TMEM192: variants seen among roughly 807,000 people sequenced by gnomAD.
The protein encoded by TMEM192 is transmembrane protein 192.
In TMEM192, 20 loss-of-function variants were observed where a neutral mutation model predicts 26.7. The observed-to-expected ratio is 0.75, with a 90% confidence interval of 0.53 to 1.09. TMEM192 has a LOEUF of 1.09. Among genes scored for constraint, TMEM192 ranks in the 50% least tolerant of loss-of-function variants. The pLI is 0.00. For synonymous variants in TMEM192, 124 were observed against 121.0 expected (o/e 1.02, Z -0.16); for missense variants, 304 against 322.6 (o/e 0.94, Z 0.44).
In TMEM192 at chr4:165,102,958, A is replaced by G; in HGVS notation, c.166T>C (p.Phe56Leu). The G allele has an allele frequency of 1.9e-6, 3 of 1,611,052 alleles. No homozygotes were observed. In the East Asian group the frequency reaches 6.7e-5, roughly 36 times the overall value. ...PTVIIVNLLW[F>L]IHLVFVVLAF... ...TCTTGCAGCCAACTTACATGAATAA[A>G]CCACAGAAGATTCACTATGATGACT... Residue 56 changes from phenylalanine (F) to leucine (L), a missense_variant, in exon 2 of 6, where the codon TTT (phenylalanine) becomes CTT (leucine). Phe to Leu is a conservative substitution (Grantham distance 22). Coordinates refer to ENST00000306480, the MANE Select transcript of TMEM192 (RefSeq NM_001100389.2).
At chr4:165,099,376 G>A (rs1734987084) in intron 3 of TMEM192, among the ~76,000 whole-genome samples, 1 of 152,072 alleles carries the variant, frequency 6.6e-6, no homozygotes, top group African/African-American at 2.4e-5. Flanking sequence ...ATGAGCTACT[G>A]TGCCCGGCCA....
At chr4:165,100,072 A>G (rs577579693) in intron 3 of TMEM192, among the ~76,000 whole-genome samples, 126 of 152,144 alleles carry the variant, frequency 8.3e-4, no homozygotes, top group Non-Finnish European at 7.3e-4. Flanking sequence ...GTATAATTCC[A>G]CACTTCACAC....
intron 2 of TMEM192, 48 bp downstream of exon 2, chr4:165,102,902 T>G: frequency 6.5e-7 from 1 of 1,531,946 alleles, no homozygotes; most frequent in Non-Finnish European, 8.8e-7. Flanking sequence ...TTATATAATT[T>G]TTACAAACAT....
chr4:165,079,516 C>A lies in TMEM192; in HGVS notation c.*142G>T. 9 of 946,696 alleles carry A rather than the reference C, an allele frequency of 9.5e-6. No individual in the cohort carries two copies. The highest frequency in any genetic ancestry group is 1.3e-5 in the Non-Finnish European group (9 of 672,402). The allele number at this position is 946,696 out of a possible 1,614,324, so 58.6% of individuals were successfully genotyped here. ...CTATATTTTAAACAGCCACAGAAGTCAGAACCAAATTCAGGTTTCCAACAA... is the reference window on the plus strand; with the variant it reads ...CTATATTTTAAACAGCCACAGAAGTAAGAACCAAATTCAGGTTTCCAACAA... On this transcript the variant is annotated 3_prime_UTR_variant, in exon 6 of 6. Coordinates refer to ENST00000306480, the MANE Select transcript of TMEM192 (RefSeq NM_001100389.2).
intron 3 of TMEM192, among the ~76,000 whole-genome samples, chr4:165,096,461 AG>A (rs1212164991): frequency 1.3e-5 from 2 of 151,838 alleles, no homozygotes; most frequent in Non-Finnish European, 2.9e-5. Context: ...CAGATTAATC[AG>A]GTAAATATTT....
At chr4:165,080,009 C>A (rs1007319523) in intron 5 of TMEM192, among the ~76,000 whole-genome samples, 6 of 152,026 alleles carry the variant, frequency 3.9e-5, no homozygotes, top group African/African-American at 1.4e-4. Context: ...ATGCTATAAA[C>A]TTTCACACCT....
At chr4:165,088,328 T>C in intron 4 of TMEM192, 140 bp downstream of exon 4, 1 of 677,636 alleles carries the variant, frequency 1.5e-6, no homozygotes, top group Non-Finnish European at 2.3e-6. Flanking sequence ...TTCCTGTTGG[T>C]TTGAAATTAA....
Position 165,076,608 on chromosome 4 carries a change from G to T in TMEM192, c.*3050C>A, listed in dbSNP as rs1214211350. Reference sequence around the variant, plus strand: ...TGCCCCCAGGGTACCCCCTGACGTGGAGCTCCTACAGCATGTTGGGCCTAC... The same window carrying T: ...TGCCCCCAGGGTACCCCCTGACGTGTAGCTCCTACAGCATGTTGGGCCTAC... On this transcript the variant is annotated 3_prime_UTR_variant, in exon 6 of 6. Transcript: ENST00000306480. 1 of 152,142 alleles carries T rather than the reference G, an allele frequency of 6.6e-6. No individual in the cohort carries two copies. The highest frequency in any genetic ancestry group is 1.5e-5 in the Non-Finnish European group (1 of 68,056). The allele number at this position is 152,142 out of a possible 1,614,324, so 9.4% of individuals were successfully genotyped here. A position where few individuals can be genotyped will look rare whatever the true frequency, so the allele number is the denominator to read the frequency against.
At position 165,079,536 on chromosome 4, in the gene TMEM192, C is replaced by T; in HGVS notation, c.*122G>A. 8.4e-7 allele frequency: 1 copy of T among 1,185,512 alleles called. No individual in the cohort carries two copies. Among genetic ancestry groups the T allele is most frequent in the Non-Finnish European group, 1.1e-6 (1 of 881,252 alleles). The allele number at this position is 1,185,512 out of a possible 1,614,324, so 73.4% of individuals were successfully genotyped here. ...GAAGTCAGAACCAAATTCAGGTTTCCAACAAACACTGTAAAATGCTATTCA... is the reference window on the plus strand; with the variant it reads ...GAAGTCAGAACCAAATTCAGGTTTCTAACAAACACTGTAAAATGCTATTCA... On this transcript the variant is annotated 3_prime_UTR_variant, in exon 6 of 6. Transcript: ENST00000306480.
Position 165,079,757 on chromosome 4 carries a change from T to C in TMEM192, c.717A>G (p.Gly239=). 1 of 1,614,058 alleles carries C rather than the reference T, an allele frequency of 6.2e-7. No homozygotes were observed. The highest frequency in any genetic ancestry group is 1.3e-5 in the African/African-American group (1 of 75,066). The stretch of plus-strand genomic sequence containing the variant: ...GTCGCTTCAGGTATTCAATGGTGTC[T>C]CCTTGCTTTTCAACAATTTCTTCTA... ...SSLEEIVEKQ[G]DTIEYLKRHN... The change falls in exon 6 of 6, where the codon GGA becomes GGG. Residue 239 remains glycine, a synonymous_variant. Transcript: ENST00000306480.
At chr4:165,096,027 C>T (rs1734891016) in intron 3 of TMEM192, among the ~76,000 whole-genome samples, 1 of 150,880 alleles carries the variant, frequency 6.6e-6, no homozygotes, top group Admixed American at 6.6e-5. Flanking sequence ...GGACTCCTGA[C>T]ATCAGGTGAT....
intron 3 of TMEM192, among the ~76,000 whole-genome samples, chr4:165,094,111 G>T (rs1418092124): frequency 6.6e-6 from 1 of 151,890 alleles, no homozygotes; most frequent in Admixed American, 6.6e-5. Context: ...ATGTTGGCCA[G>T]GCTGGTCTCG....
intron 1 of TMEM192, among the ~76,000 whole-genome samples, chr4:165,108,363 C>T (rs1050923136): frequency 5.9e-5 from 9 of 152,020 alleles, no homozygotes; most frequent in African/African-American, 1.4e-4. Flanking sequence ...CCTCGTGATC[C>T]GCTCGCCTCA....
chr4:165,111,369 C>T (rs749532776), intron 1 of TMEM192, among the ~76,000 whole-genome samples: 1 of 152,222 alleles, frequency 6.6e-6, no homozygotes. Flanking sequence ...GCTGGGATTA[C>T]AGGCATGAGC....
At position 165,072,553 on chromosome 4, in the gene TMEM192, T is replaced by TC. The variant is rs57000009; in HGVS notation, c.*7104dup. On this transcript the variant is annotated 3_prime_UTR_variant, in exon 6 of 6. Transcript: ENST00000306480. ...GCCTGGGCAACAGAGCGAGACTCCC[T>TC]CCCCCAAAAAAAAAAAACAAAACCA... is the stretch of plus-strand genomic sequence containing the variant. 6.9e-6 allele frequency: 1 copy of TC among 145,064 alleles called. No homozygotes were observed. The highest frequency in any genetic ancestry group is 2.6e-5 in the African/African-American group (1 of 39,130). The allele number at this position is 145,064 out of a possible 1,614,324, so 9.0% of individuals were successfully genotyped here. A position where few individuals can be genotyped will look rare whatever the true frequency, so the allele number is the denominator to read the frequency against.
intron 3 of TMEM192, among the ~76,000 whole-genome samples, chr4:165,097,769 C>T (rs1578908832): frequency 1.3e-5 from 2 of 151,314 alleles, no homozygotes; most frequent in South Asian, 4.1e-4. Context: ...CACAGGCTAC[C>T]ACACATGACT....
intron 1 of TMEM192, among the ~76,000 whole-genome samples, chr4:165,106,043 T>C (rs904868523): frequency 1.3e-5 from 2 of 152,168 alleles, no homozygotes; most frequent in Admixed American, 1.3e-4. Flanking sequence ...GGCACCTTGA[T>C]CTTGGGCTTC....
intron 1 of TMEM192, among the ~76,000 whole-genome samples, chr4:165,109,321 C>T (rs1445752733): frequency 6.6e-6 from 1 of 152,166 alleles, no homozygotes; most frequent in Non-Finnish European, 1.5e-5. Flanking sequence ...GACTGCTCAA[C>T]TTCTTGTATG....
intron 3 of TMEM192, among the ~76,000 whole-genome samples, chr4:165,097,921 G>A (rs1047381703): frequency 5.9e-5 from 9 of 151,750 alleles, no homozygotes; most frequent in Non-Finnish European, 1.2e-4. Context: ...TTGATCTCCC[G>A]GGTTCAAGCG....
Sources: gnomAD v4.1 joint callset for allele counts (sites outside exome capture counted in the v4.1 genomes callset) on GRCh38, gnomAD v4.1.1 for gene constraint, MANE v1.5 for transcripts, NCBI Gene and HGNC (gene_info 2026-07-23, HGNC 2026-07-21) for gene names.